The following TERT variants were observed in gnomAD, a reference collection of about 807,000 sequenced individuals.
The protein encoded by TERT is telomerase catalytic subunit.
In TERT, 42 loss-of-function variants were observed where a neutral mutation model predicts 104.0. That is an observed-to-expected ratio of 0.40 (90% CI 0.32 to 0.52). TERT has a LOEUF of 0.52. TERT is among the 20% of genes least tolerant of loss of function. TERT has a pLI of 0.43. For synonymous variants in TERT, 781 were observed against 725.6 expected (o/e 1.08, Z -1.23); for missense variants, 1,101 against 1,610.3 (o/e 0.68, Z 5.41).
chr5:1,278,557 G>A (rs373644368), intron 6 of TERT, 84 bp downstream of exon 6: 61 of 1,576,064 alleles, frequency 3.9e-5, no homozygotes, highest in African/African-American at 9.4e-5. Flanking sequence ...CCACAGAAAC[G>A]CATCACAGAC....
rs927456654 is a variant in TERT, at chr5:1,262,383, T to C, written c.2844-1783A>G. ...CATCAGTTCTGACCACATTCTACCATCTGAGCTGTGGTTTGGGAGACTAAA... is the reference window on the plus strand; with the variant it reads ...CATCAGTTCTGACCACATTCTACCACCTGAGCTGTGGTTTGGGAGACTAAA... On this transcript the variant is annotated intron_variant, in intron 11 of 15. Coordinates refer to ENST00000310581, the MANE Select transcript of TERT (RefSeq NM_198253.3). The surrounding 1 kb of genome is among the most constrained non-coding windows in gnomAD (Gnocchi z 5.6). 6.6e-6 allele frequency among the ~76,000 whole-genome samples: 1 copy of C among 152,234 alleles called. No individual in the cohort carries two copies. The highest frequency in any genetic ancestry group is 1.5e-5 in the Non-Finnish European group (1 of 68,040).
chr5:1,273,944 G>A (rs1023202244), intron 6 of TERT, among the ~76,000 whole-genome samples: 1 of 152,238 alleles, frequency 6.6e-6, no homozygotes, highest in African/African-American at 2.4e-5. Flanking sequence ...GGCAGGAGAA[G>A]AGTCTGAAGA....
At position 1,253,684 on chromosome 5, in the gene TERT, G is replaced by A. The variant is rs757941512; in HGVS notation, c.*44C>T. On this transcript the variant is annotated 3_prime_UTR_variant, in exon 16 of 16. Transcript: ENST00000310581. ...TGGGACGTAGAGCCCGGCGTGACAGGGCTGCTGGTGTCTGCTCTCGGCCTG... is the reference window on the plus strand; with the variant it reads ...TGGGACGTAGAGCCCGGCGTGACAGAGCTGCTGGTGTCTGCTCTCGGCCTG... The A allele has an allele frequency of 3.2e-6, 5 of 1,542,188 alleles. No homozygotes were observed. The highest frequency in any genetic ancestry group is 1.8e-5 in the Admixed American group (1 of 56,074).
rs1024073978 is a variant in TERT, at chr5:1,269,981, G to A, written c.2468+1138C>T. The stretch of plus-strand genomic sequence containing the variant: ...CACATTCCCCAAAGCCCTGCCACAC[G>A]TGGACGGTACGTGACTTGATCCATC... On this transcript the variant is annotated intron_variant, in intron 8 of 15. Transcript: ENST00000310581. The surrounding 1 kb of genome is among the most constrained non-coding windows in gnomAD (Gnocchi z 9.0). Among the ~76,000 whole-genome samples the A allele has an allele frequency of 1.3e-5, 2 of 152,170 alleles. No individual in the cohort carries two copies. Among genetic ancestry groups the A allele is most frequent in the African/African-American group, 2.4e-5 (1 of 41,446 alleles).
At chr5:1,254,672 A>C (rs1242884367) in intron 14 of TERT, among the ~76,000 whole-genome samples, 167 bp from the exon 15 acceptor site, 1 of 152,216 alleles carries the variant, frequency 6.6e-6, no homozygotes, top group African/African-American at 2.4e-5. Context: ...CGGCTTCTCC[A>C]GGTGAAATTT....
At position 1,255,147 on chromosome 5, in the gene TERT, G is replaced by T; in HGVS notation, c.3157+140C>A. ...ACCCCACGAGAGGGCGGGCAGACGA[G>T]CCTGACAGTGGTTGGGTTAAACCAC... is the stretch of plus-strand genomic sequence containing the variant. On this transcript the variant is annotated intron_variant, in intron 14 of 15. Transcript: ENST00000310581. The surrounding 1 kb of genome is among the most constrained non-coding windows in gnomAD (Gnocchi z 6.9). 1 of 1,103,676 alleles carries T rather than the reference G, an allele frequency of 9.1e-7. No homozygotes were observed. The highest frequency in any genetic ancestry group is 1.3e-6 in the Non-Finnish European group (1 of 757,696). The allele number at this position is 1,103,676 out of a possible 1,614,324, so 68.4% of individuals were successfully genotyped here. A position where few individuals can be genotyped will look rare whatever the true frequency, so the allele number is the denominator to read the frequency against.
Position 1,278,803 on chromosome 5 carries a change from G to A in TERT, c.2131-7C>T. The A allele has an allele frequency of 6.2e-7, 1 of 1,613,742 alleles. No homozygotes were observed. Among genetic ancestry groups the A allele is most frequent in the Non-Finnish European group, 8.5e-7 (1 of 1,180,036 alleles). On this transcript the variant is annotated splice_region_variant and splice_polypyrimidine_tract_variant and intron_variant, in intron 5 of 15. Coordinates refer to ENST00000310581, the MANE Select transcript of TERT (RefSeq NM_198253.3). ...ACGCGCCCGTCACATCCACCTGTGT[G>A]AGTGGAGGCGAGGAGACTGACAGTG...
intron 15 of TERT, 143 bp downstream of exon 15, chr5:1,254,225 C>T: frequency 1.8e-6 from 2 of 1,094,234 alleles, no homozygotes; most frequent in Non-Finnish European, 2.7e-6. Context: ...TCACATAGGG[C>T]TGCCAGCGTG....
rs898648592 is a variant in TERT, at chr5:1,293,316, G to C, written c.1570C>G (p.Pro524Ala). The change falls in exon 2 of 16, where the codon CCA becomes GCA. Residue 524 changes from proline to alanine, a missense_variant. By Grantham distance (27) the Pro-to-Ala change is conservative. This residue lies in a region of TERT where 504 missense variants were observed against 544.6 expected (regional missense o/e 0.93). Coordinates refer to ENST00000310581, the MANE Select transcript of TERT (RefSeq NM_198253.3). ...TCGACGGCCACCACCTCCTCACCTG[G>C]GCTCCTGCGCAGCCAAGCGCAGTCC... ...VRDCAWLRRS[P>A]GVGCVPAAEH... 4 of 1,612,826 alleles carry C rather than the reference G, an allele frequency of 2.5e-6. No homozygotes were observed. Among genetic ancestry groups the C allele is most frequent in the African/African-American group, 2.7e-5 (2 of 75,072 alleles).
chr5:1,258,549 C>T (rs746902908), intron 13 of TERT, 49 bp downstream of exon 13: 10 of 1,522,106 alleles, frequency 6.6e-6, no homozygotes, highest in Middle Eastern at 1.7e-4. Context: ...GTGAGCAGAG[C>T]GCGGAGGGTC....
In TERT at chr5:1,277,668, G is replaced by A. The variant is rs560256887; in HGVS notation, c.2286+973C>T. Among the ~76,000 whole-genome samples, 5 of 149,898 alleles carry A rather than the reference G, an allele frequency of 3.3e-5. No individual in the cohort carries two copies. In the East Asian group the frequency reaches 7.8e-4, roughly 23 times the overall value. On this transcript the variant is annotated intron_variant, in intron 6 of 15. Transcript: ENST00000310581. ...CCGGGCACAGGTGGGCGGTGGGGAC[G>A]GGGGGGTCTCCTGGGCTCTAGTGAC...
Position 1,253,172 on chromosome 5 carries a change from T to C in TERT, c.*556A>G, listed in dbSNP as rs1747448715. 2 of 252,730 alleles carry C rather than the reference T, an allele frequency of 7.9e-6. No homozygotes were observed. Among genetic ancestry groups the C allele is most frequent in the African/African-American group, 4.4e-5 (2 of 45,612 alleles). 15.7% of individuals were successfully genotyped at this position (252,730 alleles called of 1,614,324 possible). On this transcript the variant is annotated 3_prime_UTR_variant, in exon 16 of 16. Coordinates refer to ENST00000310581, the MANE Select transcript of TERT (RefSeq NM_198253.3). The stretch of plus-strand genomic sequence containing the variant: ...ATTAGGATTCAAACATGAGATTTTT[T>C]TCAAAACTGAAAAACTCATATATTC...
Position 1,270,513 on chromosome 5 carries a change from C to A in TERT, c.2468+606G>T, listed in dbSNP as rs1748944813. ...TGTGGCACCAGGCACTGTGGCTCTA[C>A]CACCGTGAGTGTGGCTCACCCAGTG... On this transcript the variant is annotated intron_variant, in intron 8 of 15. Coordinates refer to ENST00000310581, the MANE Select transcript of TERT (RefSeq NM_198253.3). This position sits in a 1 kb window ranked among gnomAD's most constrained non-coding sequence, Gnocchi z 8.3. 6.6e-6 allele frequency among the ~76,000 whole-genome samples: 1 copy of A among 152,204 alleles called. No individual in the cohort carries two copies. The highest frequency in any genetic ancestry group is 1.5e-5 in the Non-Finnish European group (1 of 68,026).
chr5:1,291,269 C>T (rs369734411), intron 2 of TERT, among the ~76,000 whole-genome samples: 29 of 65,322 alleles, frequency 4.4e-4, no homozygotes, highest in Middle Eastern at 0.012. Context: ...CCGGGGACAG[C>T]GCCTCACTCA....
rs746621306 is a variant in TERT, at chr5:1,271,132, G to A, written c.2455C>T (p.Arg819Cys). Residue 819 changes from arginine to cysteine, a missense_variant, in exon 8 of 16, where the codon CGC (arginine) becomes TGC (cysteine). Physicochemically the swap from Arg to Cys is radical, Grantham distance 180. Around this residue, in one of 5 missense-constraint regions of TERT, gnomAD observed 463 missense variants for 797.5 expected, o/e 0.58. Transcript: ENST00000310581. ...CACCTGACTCACTTGCCCCTGATGC[G>A]CACGGCGTGGTGGCACATGAAGCGT... is the stretch of plus-strand genomic sequence containing the variant. ...FLRFMCHHAV[R>C]IRGKSYVQCQ... 5.6e-6 allele frequency: 9 copies of A among 1,612,834 alleles called. No individual in the cohort carries two copies. Among genetic ancestry groups the A allele is most frequent in the Admixed American group, 3.3e-5 (2 of 60,004 alleles).
chr5:1,279,795 G>T (rs1749890254), intron 4 of TERT, among the ~76,000 whole-genome samples: 1 of 152,194 alleles, frequency 6.6e-6, no homozygotes, highest in Non-Finnish European at 1.5e-5. Context: ...AGCCCGGTGG[G>T]CTCCTGGCAG....
Position 1,268,736 on chromosome 5 carries a change from G to A in TERT, c.2469-103C>T, listed in dbSNP as rs1255202440. 8.1e-6 allele frequency: 6 copies of A among 743,330 alleles called. No homozygotes were observed. The African/African-American group carries it at 8.7e-5, about 11-fold the overall frequency. 46.0% of individuals were successfully genotyped at this position (743,330 alleles called of 1,614,324 possible). On this transcript the variant is annotated intron_variant, in intron 8 of 15. Transcript: ENST00000310581. The surrounding 1 kb of genome is among the most constrained non-coding windows in gnomAD (Gnocchi z 5.5). ...GACACAGAACCTCATACACACAAAC[G>A]ACACGTCTACCATTCAGCCGGCAAA...
At chr5:1,278,889 C>A in intron 5 of TERT, 93 bp from the exon 6 acceptor site, 1 of 1,538,898 alleles carries the variant, frequency 6.5e-7, no homozygotes, top group Non-Finnish European at 8.9e-7. Context: ...GTGTCCCCCA[C>A]TCTCTCTCTG....
chr5:1,258,879 C>T (rs1579548265), intron 12 of TERT, among the ~76,000 whole-genome samples: 1 of 152,194 alleles, frequency 6.6e-6, no homozygotes, highest in Non-Finnish European at 1.5e-5. Flanking sequence ...CCCCGAGGCT[C>T]GGCCAAGACA....
Sources: allele counts gnomAD v4.1 joint callset (sites outside exome capture counted in the v4.1 genomes callset), GRCh38; gene constraint gnomAD v4.1.1; regional missense constraint gnomAD v4.1.1; non-coding constraint Gnocchi (gnomAD v3.1); transcripts MANE v1.5; gene names NCBI Gene and HGNC (gene_info 2026-07-23, HGNC 2026-07-21).